Variants in FGF14 observed in about 807,000 individuals in gnomAD.
The protein encoded by FGF14 is fibroblast growth factor homologous factor 4.
Under a neutral mutation model 25.5 loss-of-function variants are expected in FGF14, and 5 were observed. The observed-to-expected ratio is 0.20, with a 90% confidence interval of 0.10 to 0.41. The LOEUF is 0.41. Ranked by LOEUF, FGF14 falls within the 10% of genes least tolerant of loss-of-function variation. FGF14 has a pLI of 1.00. For missense variants in FGF14, 222 were observed against 320.1 expected (o/e 0.69, Z 2.34); for synonymous variants, 138 against 118.3 (o/e 1.17, Z -1.08).
At chr13:102,134,938 A>G (rs993355993) in intron 1 of FGF14, among the ~76,000 whole-genome samples, 2 of 151,822 alleles carry the variant, frequency 1.3e-5, no homozygotes, top group Non-Finnish European at 1.5e-5. Context: ...AATCCCAGCA[A>G]TCTGGGAGGC....
At chr13:102,316,387 G>A (rs553788658) in intron 1 of FGF14, among the ~76,000 whole-genome samples, 12 of 152,090 alleles carry the variant, frequency 7.9e-5, no homozygotes, top group East Asian at 1.9e-4. Flanking sequence ...ATGTTAATTC[G>A]CTCGCCTGAA....
intron 1 of FGF14, among the ~76,000 whole-genome samples, chr13:101,894,464 T>A (rs925861147): frequency 7.9e-5 from 12 of 152,142 alleles, no homozygotes; most frequent in African/African-American, 2.7e-4. Flanking sequence ...TGACTGAGAC[T>A]TATCCTTGTC....
chr13:102,169,732 C>T (rs924944937), intron 1 of FGF14, among the ~76,000 whole-genome samples: 2 of 151,946 alleles, frequency 1.3e-5, no homozygotes, highest in African/African-American at 4.8e-5. Context: ...ATTGGATAAC[C>T]TTTATTCCAA....
At chr13:101,746,710 A>C (rs187998816) in intron 3 of FGF14, among the ~76,000 whole-genome samples, 74 of 152,144 alleles carry the variant, frequency 4.9e-4, no homozygotes, top group Non-Finnish European at 9.3e-4. Flanking sequence ...TATCAATGCC[A>C]GGAGTGTGCT....
intron 1 of FGF14, among the ~76,000 whole-genome samples, chr13:101,900,196 C>A: frequency 6.6e-6 from 1 of 152,074 alleles, no homozygotes; most frequent in Non-Finnish European, 1.5e-5. Flanking sequence ...GCCATGACTA[C>A]AGGTAAATTT....
chr13:101,862,010 G>C (rs1235340037), intron 3 of FGF14, among the ~76,000 whole-genome samples: 1 of 152,066 alleles, frequency 6.6e-6, no homozygotes, highest in Non-Finnish European at 1.5e-5. Flanking sequence ...CTCTAGAAGA[G>C]GACTTTTGGG....
chr13:102,129,373 T>G (rs914305864), intron 1 of FGF14, among the ~76,000 whole-genome samples: 1 of 152,164 alleles, frequency 6.6e-6, no homozygotes, highest in African/African-American at 2.4e-5. Flanking sequence ...CATTAATAAA[T>G]TTGATGTGAT....
chr13:101,752,689 G>A (rs1053859656), intron 3 of FGF14, among the ~76,000 whole-genome samples: 2 of 152,088 alleles, frequency 1.3e-5, no homozygotes, highest in South Asian at 2.1e-4. Flanking sequence ...CAGTGCCTCT[G>A]AGTTCATCAG....
At chr13:102,200,011 G>A (rs1217436916) in intron 1 of FGF14, among the ~76,000 whole-genome samples, 1 of 152,110 alleles carries the variant, frequency 6.6e-6, no homozygotes, top group Non-Finnish European at 1.5e-5. Context: ...AGAGACAGGT[G>A]TTAAAATCCT....
chr13:102,374,574 T>G (rs947990988), intron 1 of FGF14, among the ~76,000 whole-genome samples: 3 of 145,344 alleles, frequency 2.1e-5, no homozygotes, highest in Non-Finnish European at 3.0e-5. Context: ...TGAAGAATAA[T>G]AAATGTAAAA....
intron 1 of FGF14, among the ~76,000 whole-genome samples, chr13:102,142,605 A>C (rs977272349): frequency 3.9e-5 from 6 of 152,184 alleles, no homozygotes; most frequent in African/African-American, 1.4e-4. Flanking sequence ...AACAAAGTTC[A>C]AAGCTTGCTG....
chr13:102,165,502 C>T (rs980658140), intron 1 of FGF14, among the ~76,000 whole-genome samples: 5 of 151,782 alleles, frequency 3.3e-5, no homozygotes, highest in African/African-American at 1.2e-4. Flanking sequence ...ATGATGAGTT[C>T]ATGTCCTTTG....
chr13:102,148,535 G>A (rs145809582), intron 1 of FGF14, among the ~76,000 whole-genome samples: 10 of 152,252 alleles, frequency 6.6e-5, no homozygotes, highest in Non-Finnish European at 1.0e-4. Flanking sequence ...ATGGCCAGGC[G>A]CAGTGGCTCA....
chr13:101,816,727 T>C (rs1023781315), intron 3 of FGF14, among the ~76,000 whole-genome samples: 1 of 152,168 alleles, frequency 6.6e-6, no homozygotes, highest in Non-Finnish European at 1.5e-5. Flanking sequence ...GGTATCTGAT[T>C]ATAAAATTCT....
intron 1 of FGF14, among the ~76,000 whole-genome samples, chr13:102,188,804 G>C (rs1367039912): frequency 6.6e-6 from 1 of 151,870 alleles, no homozygotes; most frequent in Non-Finnish European, 1.5e-5. Flanking sequence ...ACCTGGGCAT[G>C]GTGGCACATG....
chr13:102,188,476 T>C (rs1394172334), intron 1 of FGF14, among the ~76,000 whole-genome samples: 2 of 152,236 alleles, frequency 1.3e-5, no homozygotes, highest in Non-Finnish European at 2.9e-5. Flanking sequence ...TCCTCTTATG[T>C]GCCAGCAGGC....
chr13:101,775,070 CTA>C (rs1467360284), intron 3 of FGF14, among the ~76,000 whole-genome samples: 2 of 151,544 alleles, frequency 1.3e-5, no homozygotes, highest in African/African-American at 2.4e-5. Flanking sequence ...TTTATATGGA[CTA>C]TGTGTTCCAA....
At chr13:102,211,783 T>A (rs1441336610) in intron 1 of FGF14, among the ~76,000 whole-genome samples, 1 of 152,342 alleles carries the variant, frequency 6.6e-6, no homozygotes, top group African/African-American at 2.4e-5. Flanking sequence ...GCTTTATTCA[T>A]AACCAGAATA....
chr13:102,365,354 A>G (rs1293359184), intron 1 of FGF14, among the ~76,000 whole-genome samples: 1 of 152,106 alleles, frequency 6.6e-6, no homozygotes, highest in Non-Finnish European at 1.5e-5. Context: ...ACACCCCCAG[A>G]TTCCAATTTT....
Sources: allele counts gnomAD v4.1 joint callset (sites outside exome capture counted in the v4.1 genomes callset), GRCh38; gene constraint gnomAD v4.1.1; transcripts MANE v1.5; gene names NCBI Gene and HGNC (gene_info 2026-07-23, HGNC 2026-07-21).